Variants in PDE7B observed in about 807,000 individuals in gnomAD.
The protein encoded by PDE7B is phosphodiesterase 7B.
A neutral mutation model predicts 56.2 loss-of-function variants in PDE7B; 29 were observed. That is an observed-to-expected ratio of 0.52 (90% CI 0.38 to 0.70). PDE7B has a LOEUF of 0.70. Ranked by LOEUF, PDE7B falls within the 30% of genes least tolerant of loss-of-function variation. PDE7B has a pLI of 0.00. For synonymous variants in PDE7B, 197 were observed against 196.9 expected (o/e 1.00, Z 0.00); for missense variants, 490 against 565.0 (o/e 0.87, Z 1.35).
chr6:135,972,809 A>G (rs533699516), intron 2 of PDE7B, among the ~76,000 whole-genome samples: 49 of 152,298 alleles, frequency 3.2e-4, no homozygotes, highest in Middle Eastern at 6.8e-3. Context: ...TGACAGCTGC[A>G]ATGTTCTTGG....
At chr6:135,979,685 C>A (rs1316329645) in intron 2 of PDE7B, among the ~76,000 whole-genome samples, 1 of 152,084 alleles carries the variant, frequency 6.6e-6, no homozygotes, top group Non-Finnish European at 1.5e-5. Flanking sequence ...GAGTGAACTC[C>A]CGTTCACAAT....
intron 3 of PDE7B, among the ~76,000 whole-genome samples, chr6:136,124,485 C>T (rs1010755248): frequency 6.6e-6 from 1 of 152,146 alleles, no homozygotes; most frequent in Non-Finnish European, 1.5e-5. Context: ...CTATATAAAA[C>T]AATGTCAAAT....
chr6:136,164,774 C>T (rs1778766799), intron 8 of PDE7B, among the ~76,000 whole-genome samples: 1 of 151,834 alleles, frequency 6.6e-6, no homozygotes, highest in African/African-American at 2.4e-5. Flanking sequence ...TAAAAATCTA[C>T]AGAGAAATAG....
At chr6:135,997,290 T>A (rs2128205758) in intron 2 of PDE7B, among the ~76,000 whole-genome samples, 1 of 151,606 alleles carries the variant, frequency 6.6e-6, no homozygotes, top group East Asian at 1.9e-4. Flanking sequence ...GGCATGCACC[T>A]GTAGTCCCAA....
chr6:135,934,754 A>T (rs554146413), intron 1 of PDE7B, among the ~76,000 whole-genome samples: 13,293 of 115,006 alleles, frequency 0.12, 1,023 homozygotes, highest in South Asian at 0.2. Context: ...ATATATATAT[A>T]TTTTTTAAAT....
intron 1 of PDE7B, among the ~76,000 whole-genome samples, chr6:135,896,474 G>A (rs1041358745): frequency 6.6e-6 from 1 of 152,014 alleles, no homozygotes; most frequent in Admixed American, 6.6e-5. Flanking sequence ...TTCTGCACCC[G>A]TTCCTATCTG....
chr6:136,147,558 C>T, intron 4 of PDE7B, 56 bp downstream of exon 4: 10 of 1,471,440 alleles, frequency 6.8e-6, no homozygotes, highest in Non-Finnish European at 9.5e-6. Context: ...GCATGTGCCT[C>T]AGCTGATAGC....
chr6:135,989,137 C>A (rs6936975), intron 2 of PDE7B, among the ~76,000 whole-genome samples: 4 of 152,000 alleles, frequency 2.6e-5, no homozygotes, highest in African/African-American at 9.7e-5. Flanking sequence ...ATTAAACCAA[C>A]GGAAAATACA....
At chr6:135,896,400 C>T (rs200261499) in intron 1 of PDE7B, among the ~76,000 whole-genome samples, 2 of 152,092 alleles carry the variant, frequency 1.3e-5, no homozygotes, top group East Asian at 3.8e-4. Context: ...CTGATCAATG[C>T]CTTCCTAAGC....
intron 1 of PDE7B, among the ~76,000 whole-genome samples, chr6:135,944,515 G>A (rs62429921): frequency 8.3e-4 from 127 of 152,200 alleles, no homozygotes; most frequent in Non-Finnish European, 1.1e-3. Flanking sequence ...AGTTAAAGGC[G>A]CCTCAGCAAT....
rs757233270 is a variant in PDE7B, at chr6:136,193,339, C to G, written c.*1499C>G. 1.0e-4 allele frequency: 16 copies of G among 152,582 alleles called. No individual in the cohort carries two copies. The highest frequency in any genetic ancestry group is 1.6e-4 in the Non-Finnish European group (11 of 68,032). The allele number at this position is 152,582 out of a possible 1,614,324, so 9.5% of individuals were successfully genotyped here. A position where few individuals can be genotyped will look rare whatever the true frequency, so the allele number is the denominator to read the frequency against. On this transcript the variant is annotated 3_prime_UTR_variant, in exon 13 of 13. Transcript: ENST00000308191. ...TTCCTTAATCTCATGTGAACAACTA[C>G]CCAACTGTTTAGCTGAAGTTCATAT... is the stretch of plus-strand genomic sequence containing the variant.
At chr6:136,177,676 GC>G (rs530028779) in intron 9 of PDE7B, among the ~76,000 whole-genome samples, 100 of 152,170 alleles carry the variant, frequency 6.6e-4, no homozygotes, top group Non-Finnish European at 1.2e-3. Flanking sequence ...ACTGCTGGGA[GC>G]AAAAATTTAT....
At chr6:136,004,582 A>G (rs1775741093) in intron 2 of PDE7B, among the ~76,000 whole-genome samples, 3 of 151,804 alleles carry the variant, frequency 2.0e-5, no homozygotes, top group Non-Finnish European at 3.0e-5. Context: ...GAGCCAAATC[A>G]TGAGTGAACT....
chr6:136,001,734 T>C (rs971502609), intron 2 of PDE7B, among the ~76,000 whole-genome samples: 1 of 152,174 alleles, frequency 6.6e-6, no homozygotes, highest in Non-Finnish European at 1.5e-5. Context: ...CTGGTGTACC[T>C]GAAAGTGATG....
At chr6:136,083,260 C>A (rs1777234678) in intron 2 of PDE7B, among the ~76,000 whole-genome samples, 1 of 152,164 alleles carries the variant, frequency 6.6e-6, no homozygotes, top group Non-Finnish European at 1.5e-5. Flanking sequence ...ATAAGTTCTT[C>A]TTGGATTTGA....
chr6:136,183,344 A>C (rs1349548602), intron 11 of PDE7B, among the ~76,000 whole-genome samples: 1 of 152,098 alleles, frequency 6.6e-6, no homozygotes, highest in African/African-American at 2.4e-5. Context: ...CTGTAATCCC[A>C]AGACTTTGGG....
At chr6:136,021,750 A>G (rs1164057976) in intron 2 of PDE7B, among the ~76,000 whole-genome samples, 1 of 151,876 alleles carries the variant, frequency 6.6e-6, no homozygotes, top group Non-Finnish European at 1.5e-5. Flanking sequence ...TAGCCTCCTG[A>G]TTAATTTCTG....
chr6:136,190,407 T>A (rs962736256), intron 12 of PDE7B, among the ~76,000 whole-genome samples: 2 of 152,204 alleles, frequency 1.3e-5, no homozygotes, highest in Non-Finnish European at 2.9e-5. Context: ...CTTCCATCTC[T>A]ATGGCATTCT....
intron 2 of PDE7B, among the ~76,000 whole-genome samples, chr6:136,074,750 A>G (rs1297140028): frequency 6.6e-6 from 1 of 152,160 alleles, no homozygotes; most frequent in Non-Finnish European, 1.5e-5. Flanking sequence ...GTTGCAAATG[A>G]CTGGATCTCA....
Sources: gnomAD v4.1 joint callset for allele counts (sites outside exome capture counted in the v4.1 genomes callset) on GRCh38, gnomAD v4.1.1 for gene constraint, MANE v1.5 for transcripts, NCBI Gene and HGNC (gene_info 2026-07-23, HGNC 2026-07-21) for gene names.